SLC1A5: variants seen among roughly 807,000 people sequenced by gnomAD.
SLC1A5 encodes solute carrier family 1 member 5, also known as neutral amino acid transporter B(0).
In SLC1A5, 25 loss-of-function variants were observed where a neutral mutation model predicts 34.9. The observed-to-expected ratio is 0.72, with a 90% CI of 0.52 to 1.00. The LOEUF is 1.00. Among genes scored for constraint, SLC1A5 ranks in the 50% least tolerant of loss-of-function variants. SLC1A5 has a pLI of 0.00. For synonymous variants in SLC1A5, 351 were observed against 341.2 expected (o/e 1.03, Z -0.32); for missense variants, 637 against 740.0 (o/e 0.86, Z 1.61).
chr19:46,784,545 GA>G lies in SLC1A5; in HGVS notation c.580del (p.Ser194ProfsTer25). On this transcript the variant is annotated frameshift_variant, in exon 2 of 8. Transcript: ENST00000542575. LOFTEE classifies it high-confidence loss of function. The stretch of plus-strand genomic sequence containing the variant: ...GCGAAAGGCTGCTGACACCAGGTTG[GA>G]AGGGAAGATATTTCTGCAGAGACAG... ...FLDLARNIFP[S>X]NLVSAAFRSY... The G allele has an allele frequency of 6.2e-7, 1 of 1,614,108 alleles. No individual in the cohort carries two copies.
chr19:46,784,506 T>G lies in SLC1A5; in HGVS notation c.609+11A>C, dbSNP rs769019836. 4.3e-6 allele frequency: 7 copies of G among 1,613,924 alleles called. No individual in the cohort carries two copies. In the South Asian group the frequency reaches 5.5e-5, roughly 13 times the overall value. ...CACCCCCATCCCCTCAGGACACCCC[T>G]GAGGACTCACTGAGCGAAAGGCTGC... On this transcript the variant is annotated intron_variant, in intron 2 of 7. Coordinates refer to ENST00000542575, the MANE Select transcript of SLC1A5 (RefSeq NM_005628.3).
At chr19:46,784,686 GC>G in intron 1 of SLC1A5, 127 bp from the exon 2 acceptor site, 4 of 1,590,906 alleles carry the variant, frequency 2.5e-6, no homozygotes, top group Non-Finnish European at 3.4e-6. Flanking sequence ...CGCAAATACA[GC>G]CCCTACTCAT....
Position 46,775,746 on chromosome 19 carries a change from C to G in SLC1A5, c.1390G>C (p.Asp464His). 1 of 1,611,552 alleles carries G rather than the reference C, an allele frequency of 6.2e-7. No individual in the cohort carries two copies. The highest frequency in any genetic ancestry group is 1.1e-5 in the South Asian group (1 of 90,794). ...ACATTGAGGACGGTACAGGACCGGT[C>G]GCTAAAGGGGTAGAAATGACAGCAA... ...SLILAVDWLV[D>H]RSCTVLNVEG... Residue 464 changes from aspartate to histidine, a missense_variant and splice_region_variant, in exon 8 of 8, where the codon GAC (aspartate) becomes CAC (histidine). Coordinates refer to ENST00000542575, the MANE Select transcript of SLC1A5 (RefSeq NM_005628.3).
Position 46,777,416 on chromosome 19 carries a change from TG to T in SLC1A5, c.1059-12del. ...GGCAGCGTGGCGGAACTGCAAGGGA[TG>T]GGGGAGCTGAGTTAGGTTAACCTGC... On this transcript the variant is annotated splice_polypyrimidine_tract_variant and intron_variant, in intron 5 of 7. Coordinates refer to ENST00000542575, the MANE Select transcript of SLC1A5 (RefSeq NM_005628.3). The T allele has an allele frequency of 6.3e-7, 1 of 1,599,004 alleles. No individual in the cohort carries two copies.
Position 46,775,605 on chromosome 19 carries a change from G to GC in SLC1A5, c.1530dup (p.Pro511AlafsTer5), listed in dbSNP as rs775607032. 3 of 1,614,028 alleles carry GC rather than the reference G, an allele frequency of 1.9e-6. No homozygotes were observed. The highest frequency in any genetic ancestry group is 2.5e-6 in the Non-Finnish European group (3 of 1,180,024). On this transcript the variant is annotated frameshift_variant, in exon 8 of 8. Coordinates refer to ENST00000542575, the MANE Select transcript of SLC1A5 (RefSeq NM_005628.3). LOFTEE classifies it low-confidence loss of function (END_TRUNC). ...GGGTTTCCTTCCTCAGTGGGGACTG[G>GC]CAGCGGATCCAGGGGCAGCTCACTC...
In SLC1A5 at chr19:46,787,900, G is replaced by A. The variant is rs1232538561; in HGVS notation, c.66C>T (p.Gly22=). ...GGTCCTCGATGGAGGCCAGCGCCAG[G>A]CCCCCGTTGGCGGTGGGCTCCGCCG... ...LAAAEPTANG[G]LALASIEDQG... Residue 22 remains glycine, a synonymous_variant, in exon 1 of 8, where the codon GGC becomes GGT. Transcript: ENST00000542575. The surrounding 1 kb of genome is among the most constrained non-coding windows in gnomAD (Gnocchi z 5.2). 3.2e-6 allele frequency: 5 copies of A among 1,571,640 alleles called. No homozygotes were observed. The highest frequency in any genetic ancestry group is 1.7e-4 in the Middle Eastern group (1 of 6,012).
intron 1 of SLC1A5, chr19:46,784,802 G>T: frequency 7.0e-7 from 1 of 1,428,518 alleles, no homozygotes. Flanking sequence ...CTGAGGCATT[G>T]TGGGTTCGGG....
intron 7 of SLC1A5, chr19:46,776,732 G>A (rs2055093072): frequency 2.2e-6 from 1 of 452,566 alleles, no homozygotes; most frequent in Admixed American, 4.0e-5. Context: ...GTGAACCTGA[G>A]CAGTCTGGCT....
At chr19:46,781,353 CT>C (rs2055144420) in intron 4 of SLC1A5, among the ~76,000 whole-genome samples, 1 of 152,204 alleles carries the variant, frequency 6.6e-6, no homozygotes, top group Admixed American at 6.5e-5. Context: ...AATCCCAGCA[CT>C]TCGGGAGGCC....
rs752857543 is a variant in SLC1A5 at position 46,777,231 on chromosome 19, G to T, written c.1233C>A (p.Phe411Leu). The T allele has an allele frequency of 5.6e-6, 9 of 1,606,000 alleles. No homozygotes were observed. The highest frequency in any genetic ancestry group is 6.0e-6 in the Non-Finnish European group (7 of 1,174,968). The change falls in exon 6 of 8, where the codon TTC (phenylalanine) becomes TTA (leucine). Residue 411 changes from phenylalanine to leucine, a missense_variant. Coordinates refer to ENST00000542575, the MANE Select transcript of SLC1A5 (RefSeq NM_005628.3). ...CTCACAGGATGGTGATGATCTTTAC[G>T]AAGTCCAAGGACTGCTGGCTGAGCT... ...IAQLSQQSLDFVKIITILVTA... is the reference protein window; with the variant it reads ...IAQLSQQSLDLVKIITILVTA...
In SLC1A5 at chr19:46,777,076, C is replaced by T. The variant is rs2055096277; in HGVS notation, c.1287G>A (p.Ala429=). 5 of 1,613,942 alleles carry T rather than the reference C, an allele frequency of 3.1e-6. No individual in the cohort carries two copies. Among genetic ancestry groups the T allele is most frequent in the Non-Finnish European group, 3.4e-6 (4 of 1,179,962 alleles). The change falls in exon 7 of 8, where the codon GCG becomes GCA. Residue 429 remains alanine, a synonymous_variant. Transcript: ENST00000542575. ...VTATASSVGA[A]GIPAGGVLTL... ...TGAGGACACCTCCAGCAGGGATGCC[C>T]GCTGCCCCCACGCTGGACGCTGTGG... is the stretch of plus-strand genomic sequence containing the variant.
At chr19:46,782,229 G>C (rs1415110809) in intron 4 of SLC1A5, among the ~76,000 whole-genome samples, 154 bp downstream of exon 4, 4 of 152,072 alleles carry the variant, frequency 2.6e-5, no homozygotes, top group Non-Finnish European at 5.9e-5. Context: ...CACATAGACA[G>C]GGAATGGTCA....
rs372709629 is a variant in SLC1A5 at position 46,784,178 on chromosome 19, C to T, written c.610-34G>A. On this transcript the variant is annotated intron_variant, in intron 2 of 7. Transcript: ENST00000542575. Reference sequence around the variant, plus strand: ...GGGGTTGGGAAGAGTCAGTGTCCATCGTTACCAGGGCCTCCCAACCCCATG... The same window carrying T: ...GGGGTTGGGAAGAGTCAGTGTCCATTGTTACCAGGGCCTCCCAACCCCATG... 6.5e-5 allele frequency: 100 copies of T among 1,542,688 alleles called. No homozygotes were observed. The South Asian group carries it at 9.0e-4, about 14-fold the overall frequency.
intron 5 of SLC1A5, among the ~76,000 whole-genome samples, chr19:46,777,644 C>T (rs2055105239): frequency 6.9e-6 from 1 of 145,944 alleles, no homozygotes; most frequent in African/African-American, 2.5e-5. Context: ...AGCCCACCCA[C>T]ACCACCTGCC....
chr19:46,788,287 G>C lies in SLC1A5; in HGVS notation c.-322C>G. On this transcript the variant is annotated 5_prime_UTR_variant, in exon 1 of 8. Transcript: ENST00000542575. ...CGAGAGTTTCTCTGGGTGGGACGTG[G>C]GGCCCTTGGCTCCAGGAGGTTGAGT... 1 of 322,682 alleles carries C rather than the reference G, an allele frequency of 3.1e-6. No homozygotes were observed. The highest frequency in any genetic ancestry group is 5.7e-6 in the Non-Finnish European group (1 of 176,868). 20.0% of individuals were successfully genotyped at this position (322,682 alleles called of 1,614,324 possible). A position where few individuals can be genotyped will look rare whatever the true frequency, so the allele number is the denominator to read the frequency against.
At chr19:46,784,794 G>C in intron 1 of SLC1A5, 1 of 1,431,250 alleles carries the variant, frequency 7.0e-7, no homozygotes, top group South Asian at 1.5e-5. Flanking sequence ...TGCTAGCCCT[G>C]AGGCATTGTG....
chr19:46,776,497 C>T (rs749008015), intron 7 of SLC1A5, among the ~76,000 whole-genome samples: 8 of 152,058 alleles, frequency 5.3e-5, no homozygotes, highest in Non-Finnish European at 7.4e-5. Flanking sequence ...TGTGAGCCAC[C>T]GTGCCTGGCT....
chr19:46,784,211 A>G, intron 2 of SLC1A5, 67 bp from the exon 3 acceptor site: 1 of 1,198,060 alleles, frequency 8.3e-7, no homozygotes, highest in Non-Finnish European at 1.2e-6. Flanking sequence ...ATGCCAAGCT[A>G]ACAATGCTCA....
At chr19:46,784,689 C>A in intron 1 of SLC1A5, 130 bp from the exon 2 acceptor site, 1 of 1,582,402 alleles carries the variant, frequency 6.3e-7, no homozygotes, top group East Asian at 2.3e-5. Context: ...AAATACAGCC[C>A]CTACTCATGC....
Sources: allele counts gnomAD v4.1 joint callset (sites outside exome capture counted in the v4.1 genomes callset), GRCh38; gene constraint gnomAD v4.1.1; non-coding constraint Gnocchi (gnomAD v3.1); transcripts MANE v1.5; gene names NCBI Gene and HGNC (gene_info 2026-07-23, HGNC 2026-07-21).